Variants in DSEL observed in about 807,000 individuals in gnomAD.
DSEL encodes dermatan sulfate epimerase like.
Under a neutral mutation model 96.6 loss-of-function variants are expected in DSEL, and 61 were observed. That is an observed-to-expected ratio of 0.63 (90% confidence interval 0.51 to 0.78). The LOEUF is 0.78. Among genes scored for constraint, DSEL ranks in the 30% least tolerant of loss-of-function variants. The probability of loss-of-function intolerance (pLI) is 0.00; values close to 1 mark genes in which losing one functional copy is unlikely to be tolerated. For synonymous variants in DSEL, 514 were observed against 502.0 expected, an observed-to-expected ratio of 1.02 and a Z score of -0.32; for missense variants, 1,320 against 1,430.8, an observed-to-expected ratio of 0.92 and a Z score of 1.25.
Position 67,508,521 on chromosome 18 carries a change from A to G in DSEL, c.*2449T>C, listed in dbSNP as rs940025197. 22 of 152,172 alleles carry G rather than the reference A, an allele frequency of 1.4e-4. No homozygotes were observed. Among genetic ancestry groups the G allele is most frequent in the African/African-American group, 4.8e-4 (20 of 41,484 alleles). The allele number at this position is 152,172 out of a possible 1,614,324, so 9.4% of individuals were successfully genotyped here. ...GTGAGTACAGAAACAAGTAAATACA[A>G]CTCTGCATTGCCATGTGGGGGTGAA... On this transcript the variant is annotated 3_prime_UTR_variant, in exon 2 of 2. Transcript: ENST00000310045.
chr18:67,511,775 C>T lies in DSEL; in HGVS notation c.2834G>A (p.Gly945Asp), dbSNP rs2089444066. Residue 945 changes from glycine to aspartate, a missense_variant, in exon 2 of 2, where the codon GGT becomes GAT. Coordinates refer to ENST00000310045, the MANE Select transcript of DSEL (RefSeq NM_032160.3). ...CATTGCAAAATATTGGGCCAGTTTA[C>T]CCCTATTGGGTTCATGCAGATGGAT... ...QNIHLHEPNR[G>D]KLAQYFAMNK... The T allele has an allele frequency of 5.6e-6, 9 of 1,614,096 alleles. No homozygotes were observed. The highest frequency in any genetic ancestry group is 6.8e-6 in the Non-Finnish European group (8 of 1,180,024).
rs1321203020 is a variant in DSEL at position 67,513,474 on chromosome 18, C to A, written c.1135G>T (p.Ala379Ser). Reference protein sequence around the residue: ...PKDGPMVPSTAQRWSTLHTEY... With the variant: ...PKDGPMVPSTSQRWSTLHTEY... ...GTGTGAAGAGTACTCCACCTTTGGG[C>A]AGTTGAAGGAACCATCGGTCCATCT... The change falls in exon 2 of 2, where the codon GCC becomes TCC. Residue 379 changes from alanine to serine, a missense_variant. By Grantham distance (99) the Ala-to-Ser change is moderately conservative. Around this residue, in one of 3 missense-constraint regions of DSEL, gnomAD observed 986 missense variants for 1,066.4 expected, o/e 0.92. Coordinates refer to ENST00000310045, the MANE Select transcript of DSEL (RefSeq NM_032160.3). 6.2e-7 allele frequency: 1 copy of A among 1,614,190 alleles called. No homozygotes were observed. Among genetic ancestry groups the A allele is most frequent in the Admixed American group, 1.7e-5 (1 of 60,026 alleles).
At position 67,506,738 on chromosome 18, in the gene DSEL, G is replaced by A. The variant is rs1417642460; in HGVS notation, c.*4232C>T. 6.6e-6 allele frequency: 1 copy of A among 151,920 alleles called. No individual in the cohort carries two copies. The highest frequency in any genetic ancestry group is 2.4e-5 in the African/African-American group (1 of 41,342). The allele number at this position is 151,920 out of a possible 1,614,324, so 9.4% of individuals were successfully genotyped here. ...CGACGAACAAAAAATTAATTGCTTGGAAGACTTAGTTGAATCTATCCATGA... is the reference window on the plus strand; with the variant it reads ...CGACGAACAAAAAATTAATTGCTTGAAAGACTTAGTTGAATCTATCCATGA... On this transcript the variant is annotated 3_prime_UTR_variant, in exon 2 of 2. Transcript: ENST00000310045.
Position 67,514,521 on chromosome 18 carries a change from A to T in DSEL, c.88T>A (p.Ser30Thr). 1 of 1,614,174 alleles carries T rather than the reference A, an allele frequency of 6.2e-7. No individual in the cohort carries two copies. Among genetic ancestry groups the T allele is most frequent in the Non-Finnish European group, 8.5e-7 (1 of 1,180,032 alleles). Reference sequence around the variant, plus strand: ...TCATCTGTGAAAACTGCCCATTCGGAATAATTGCTCACAGATTCCTCAAAA... The same window carrying T: ...TCATCTGTGAAAACTGCCCATTCGGTATAATTGCTCACAGATTCCTCAAAA... ...STFEESVSNY[S>T]EWAVFTDDID... The change falls in exon 2 of 2, where the codon TCC (serine) becomes ACC (threonine). Residue 30 changes from serine (S) to threonine (T), a missense_variant. Physicochemically the swap from Ser to Thr is moderately conservative, Grantham distance 58 (BLOSUM62 1). Transcript: ENST00000310045.
chr18:67,515,643 A>C (rs2089471324), intron 1 of DSEL, among the ~76,000 whole-genome samples, 151 bp from the exon 2 acceptor site: 1 of 152,212 alleles, frequency 6.6e-6, no homozygotes. Context: ...AGCTAGGGCA[A>C]GTGATTTTTT....
Position 67,513,490 on chromosome 18 carries a change from C to A in DSEL, c.1119G>T (p.Pro373=). 6.2e-7 allele frequency: 1 copy of A among 1,614,188 alleles called. No homozygotes were observed. Among genetic ancestry groups the A allele is most frequent in the Non-Finnish European group, 8.5e-7 (1 of 1,180,040 alleles). The stretch of plus-strand genomic sequence containing the variant: ...ACCTTTGGGCAGTTGAAGGAACCAT[C>A]GGTCCATCTTTAGGTCGGTGCTTTC... ...QIRKHRPKDG[P]MVPSTAQRWS... The change falls in exon 2 of 2, where the codon CCG becomes CCT. Residue 373 remains proline, a synonymous_variant. Coordinates refer to ENST00000310045, the MANE Select transcript of DSEL (RefSeq NM_032160.3).
Position 67,511,165 on chromosome 18 carries a change from AG to A in DSEL, c.3443del (p.Pro1148LeufsTer7). The A allele has an allele frequency of 6.2e-7, 1 of 1,614,134 alleles. No individual in the cohort carries two copies. ...TTTGGTTTAAACTAGCAGGAGACAA[AG>A]GAATTCCAAGAAAGGCAAAAATCCT... ...TERIFAFLGIPLSPASLNQIL... is the reference protein window; with the variant it reads ...TERIFAFLGIXLSPASLNQIL... On this transcript the variant is annotated frameshift_variant, in exon 2 of 2. Coordinates refer to ENST00000310045, the MANE Select transcript of DSEL (RefSeq NM_032160.3). LOFTEE classifies it high-confidence loss of function.
chr18:67,513,258 A>T lies in DSEL; in HGVS notation c.1351T>A (p.Phe451Ile), dbSNP rs1568245499. ...GGRAVYDIVH[F>I]QPYSWIDGWR... ...CCATCAATCCAGGAATATGGCTGAA[A>T]ATGAACTATGTCATACACAGCTCGT... The change falls in exon 2 of 2, where the codon TTT (phenylalanine) becomes ATT (isoleucine). Residue 451 changes from phenylalanine to isoleucine, a missense_variant. Phe to Ile is a conservative substitution (Grantham distance 21). Coordinates refer to ENST00000310045, the MANE Select transcript of DSEL (RefSeq NM_032160.3). 6.2e-7 allele frequency: 1 copy of T among 1,614,186 alleles called. No homozygotes were observed. Among genetic ancestry groups the T allele is most frequent in the Admixed American group, 1.7e-5 (1 of 60,018 alleles).
In DSEL at chr18:67,514,795, C is replaced by A; in HGVS notation, c.-187G>T. The A allele has an allele frequency of 1.5e-6, 1 of 647,474 alleles. No homozygotes were observed. Among genetic ancestry groups the A allele is most frequent in the Non-Finnish European group, 2.6e-6 (1 of 381,746 alleles). 40.1% of individuals were successfully genotyped at this position (647,474 alleles called of 1,614,324 possible). On this transcript the variant is annotated 5_prime_UTR_variant, in exon 2 of 2. Coordinates refer to ENST00000310045, the MANE Select transcript of DSEL (RefSeq NM_032160.3). ...AAGTGCAGTTGCCAAAAAGAGAAAA[C>A]TTAAATTGTATATCTCTGTCCCTGG...
In DSEL at chr18:67,510,390, C is replaced by T. The variant is rs1357774783; in HGVS notation, c.*580G>A. 1 of 152,282 alleles carries T rather than the reference C, an allele frequency of 6.6e-6. No individual in the cohort carries two copies. The highest frequency in any genetic ancestry group is 1.5e-5 in the Non-Finnish European group (1 of 68,024). 9.4% of individuals were successfully genotyped at this position (152,282 alleles called of 1,614,324 possible). A position where few individuals can be genotyped will look rare whatever the true frequency, so the allele number is the denominator to read the frequency against. The stretch of plus-strand genomic sequence containing the variant: ...AAAAAACATATTCATTCTGTATTTC[C>T]ATCTGTATTTCCCAGAAGAAATCCT... On this transcript the variant is annotated 3_prime_UTR_variant, in exon 2 of 2. Coordinates refer to ENST00000310045, the MANE Select transcript of DSEL (RefSeq NM_032160.3).
At position 67,511,371 on chromosome 18, in the gene DSEL, C is replaced by G; in HGVS notation, c.3238G>C (p.Glu1080Gln). ...AATTCTTTCCTCAATGGTTCATACT[C>G]GAAAGCATAACCCGAATTTAAGTTA... ...KCNLNSGYAF[E>Q]YEPLRKELSK... Residue 1080 changes from glutamate (E) to glutamine (Q), a missense_variant, in exon 2 of 2, where the codon GAG (glutamate) becomes CAG (glutamine). By Grantham distance (29) the Glu-to-Gln change is conservative (BLOSUM62 2). Coordinates refer to ENST00000310045, the MANE Select transcript of DSEL (RefSeq NM_032160.3). 1 of 1,603,324 alleles carries G rather than the reference C, an allele frequency of 6.2e-7. No homozygotes were observed. The highest frequency in any genetic ancestry group is 8.5e-7 in the Non-Finnish European group (1 of 1,179,958).
In DSEL at chr18:67,513,768, T is replaced by C. The variant is rs538714973; in HGVS notation, c.841A>G (p.Ser281Gly). The change falls in exon 2 of 2, where the codon AGC becomes GGC. Residue 281 changes from serine (S) to glycine (G), a missense_variant. By Grantham distance (56) the Ser-to-Gly change is moderately conservative. Transcript: ENST00000310045. The part of the protein sequence containing the change: ...GSLDEGVAYG[S>G]YTAKSVTQYV... ...TGTGTGACGGATTTAGCTGTGTAGC[T>C]TCCATAGGCCACACCTTCATCCAAA... The C allele has an allele frequency of 1.2e-6, 2 of 1,614,202 alleles. No homozygotes were observed. Among genetic ancestry groups the C allele is most frequent in the South Asian group, 2.2e-5 (2 of 91,088 alleles).
At chr18:67,515,576 C>T (rs1380365747) in intron 1 of DSEL, 84 bp from the exon 2 acceptor site, 1 of 157,830 alleles carries the variant, frequency 6.3e-6, no homozygotes, top group Non-Finnish European at 1.5e-5. Context: ...AAACATTCTG[C>T]AATCACTTAA....
In DSEL at chr18:67,511,218, C is replaced by A. The variant is rs1305505126; in HGVS notation, c.3391G>T (p.Val1131Leu). 3.1e-6 allele frequency: 5 copies of A among 1,613,816 alleles called. No individual in the cohort carries two copies. In the East Asian group the frequency reaches 8.9e-5, roughly 29 times the overall value. The change falls in exon 2 of 2, where the codon GTG becomes TTG. Residue 1131 changes from valine to leucine, a missense_variant. Transcript: ENST00000310045. ...SYQLVKFEDIVHFPQKTTERI... is the reference protein window; with the variant it reads ...SYQLVKFEDILHFPQKTTERI... ...TCAGTAGTTTTCTGAGGAAAATGCA[C>A]AATATCTTCAAACTTGACCAGCTGG... is the stretch of plus-strand genomic sequence containing the variant.
chr18:67,514,051 G>C lies in DSEL; in HGVS notation c.558C>G (p.Asn186Lys). ...GFATAFDFLY[N>K]LLDNHRRQKY... ...TTTGTCTTCGATGATTATCTAATAA[G>C]TTATATAAAAAGTCAAAGGCAGTGG... Residue 186 changes from asparagine to lysine, a missense_variant, in exon 2 of 2, where the codon AAC becomes AAG. By Grantham distance (94) the Asn-to-Lys change is moderately conservative. Coordinates refer to ENST00000310045, the MANE Select transcript of DSEL (RefSeq NM_032160.3). 6.2e-7 allele frequency: 1 copy of C among 1,614,044 alleles called. No individual in the cohort carries two copies. The highest frequency in any genetic ancestry group is 8.5e-7 in the Non-Finnish European group (1 of 1,179,968).
At position 67,513,131 on chromosome 18, in the gene DSEL, T is replaced by C; in HGVS notation, c.1478A>G (p.Lys493Arg). The change falls in exon 2 of 2, where the codon AAG becomes AGG. Residue 493 changes from lysine to arginine, a missense_variant. Physicochemically the swap from Lys to Arg is conservative, Grantham distance 26. This residue lies in a region of DSEL where 986 missense variants were observed against 1,066.4 expected (regional missense o/e 0.92). Coordinates refer to ENST00000310045, the MANE Select transcript of DSEL (RefSeq NM_032160.3). ...CAATACATTGTTAAGGTGGCTCAACTTGGGTCCATAGAGAGCTTCAGAAAC... is the reference window on the plus strand; with the variant it reads ...CAATACATTGTTAAGGTGGCTCAACCTGGGTCCATAGAGAGCTTCAGAAAC... Reference protein sequence around the residue: ...VFVSEALYGPKLSHLNNVLVF... With the variant: ...VFVSEALYGPRLSHLNNVLVF... The C allele has an allele frequency of 1.9e-6, 3 of 1,614,166 alleles. No homozygotes were observed. Among genetic ancestry groups the C allele is most frequent in the Non-Finnish European group, 1.7e-6 (2 of 1,180,032 alleles).
Position 67,513,232 on chromosome 18 carries a change from C to T in DSEL, c.1377G>A (p.Gly459=), listed in dbSNP as rs376837619. ...VHFQPYSWID[G]WRSFNPGHEH... Reference sequence around the variant, plus strand: ...CATGTCCTGGGTTAAAACTTCTCCACCCATCAATCCAGGAATATGGCTGAA... The same window carrying T: ...CATGTCCTGGGTTAAAACTTCTCCATCCATCAATCCAGGAATATGGCTGAA... Residue 459 remains glycine, a synonymous_variant, in exon 2 of 2, where the codon GGG becomes GGA. Coordinates refer to ENST00000310045, the MANE Select transcript of DSEL (RefSeq NM_032160.3). 1.5e-5 allele frequency: 25 copies of T among 1,614,060 alleles called. No homozygotes were observed. The East Asian group carries it at 4.7e-4, about 30-fold the overall frequency.
Position 67,514,657 on chromosome 18 carries a change from T to C in DSEL, c.-49A>G. ...TAGGCATACATGTCAGATATGATGC[T>C]CAATGTGTTTCCCATCTGGTTAGTA... On this transcript the variant is annotated 5_prime_UTR_variant, in exon 2 of 2. Transcript: ENST00000310045. 6.3e-7 allele frequency: 1 copy of C among 1,590,994 alleles called. No individual in the cohort carries two copies. The highest frequency in any genetic ancestry group is 8.6e-7 in the Non-Finnish European group (1 of 1,167,384).
In DSEL at chr18:67,511,718, C is replaced by T. The variant is rs773294703; in HGVS notation, c.2891G>A (p.Arg964Lys). The change falls in exon 2 of 2, where the codon AGA becomes AAA. Residue 964 changes from arginine (R) to lysine (K), a missense_variant. Physicochemically the swap from Arg to Lys is conservative, Grantham distance 26. Coordinates refer to ENST00000310045, the MANE Select transcript of DSEL (RefSeq NM_032160.3). ...ACTTCTTTGTTCTGGCAAAGACTCTCTCCTTTTAAATTTTCTTTTTTTGTC... is the reference window on the plus strand; with the variant it reads ...ACTTCTTTGTTCTGGCAAAGACTCTTTCCTTTTAAATTTTCTTTTTTTGTC... ...NKDKKRKFKR[R>K]ESLPEQRSQM... 3 of 1,614,058 alleles carry T rather than the reference C, an allele frequency of 1.9e-6. No individual in the cohort carries two copies. In the East Asian group the frequency reaches 6.7e-5, roughly 36 times the overall value.
Sources: allele counts gnomAD v4.1 joint callset (sites outside exome capture counted in the v4.1 genomes callset), GRCh38; gene constraint gnomAD v4.1.1; regional missense constraint gnomAD v4.1.1; transcripts MANE v1.5; gene names NCBI Gene and HGNC (gene_info 2026-07-23, HGNC 2026-07-21).